Variants in MTMR1 observed in about 807,000 individuals in gnomAD.
MTMR1 encodes the protein phosphatidylinositol-3-phosphate phosphatase MTMR1.
Under a neutral mutation model 51.6 loss-of-function variants are expected in MTMR1, and 17 were observed. That is an observed-to-expected ratio of 0.33 (90% CI 0.23 to 0.49). The LOEUF is 0.49. Among genes scored for constraint, MTMR1 ranks in the 20% least tolerant of loss-of-function variants. MTMR1 has a pLI of 0.99. For missense variants in MTMR1, 386 were observed against 526.9 expected, an observed-to-expected ratio of 0.73 and a Z score of 2.62; for synonymous variants, 201 against 205.6, an observed-to-expected ratio of 0.98 and a Z score of 0.19.
At chrX:150,743,228 A>AC (rs1410509078) in intron 12 of MTMR1, among the ~76,000 whole-genome samples, 1 of 109,968 alleles carries the variant, frequency 9.1e-6, no homozygotes, top group Non-Finnish European at 1.9e-5. Flanking sequence ...GTATAGTGAG[A>AC]CCCCATCTCT....
chrX:150,697,043 T>C (rs1160439493), intron 1 of MTMR1, among the ~76,000 whole-genome samples: 3 of 112,299 alleles, frequency 2.7e-5, no homozygotes, highest in African/African-American at 9.7e-5. Context: ...CAGGTCACAC[T>C]CATGCTCAGC....
At chrX:150,750,120 G>A (rs782763843) in intron 13 of MTMR1, among the ~76,000 whole-genome samples, 3 of 103,226 alleles carry the variant, frequency 2.9e-5, no homozygotes, top group Non-Finnish European at 5.8e-5. Context: ...GAGAGACTCC[G>A]TCTCAAAAAA....
chrX:150,724,423 T>C (rs1603250537), intron 4 of MTMR1, among the ~76,000 whole-genome samples: 2 of 111,564 alleles, frequency 1.8e-5, no homozygotes, highest in African/African-American at 6.5e-5. Flanking sequence ...CTTTGCCCAC[T>C]TTTTAATGGG....
intron 1 of MTMR1, among the ~76,000 whole-genome samples, chrX:150,698,715 CACACACACACAA>C (rs1477566111): frequency 1.9e-5 from 2 of 107,363 alleles, no homozygotes; most frequent in African/African-American, 6.8e-5. Flanking sequence ...CACACACACA[CACACACACACAA>C]AAGCCGGGCC....
intron 12 of MTMR1, 95 bp downstream of exon 12, chrX:150,737,543 C>T: frequency 1.4e-6 from 1 of 697,996 alleles, no homozygotes; most frequent in Non-Finnish European, 2.2e-6. Context: ...TATATACACA[C>T]ACACGTGCAG....
chrX:150,753,703 ATTC>A (rs2042821077), intron 14 of MTMR1, among the ~76,000 whole-genome samples: 1 of 112,103 alleles, frequency 8.9e-6, no homozygotes, highest in Non-Finnish European at 1.9e-5. Flanking sequence ...TTCCTTATAC[ATTC>A]TTTATATATT....
chrX:150,710,101 T>C (rs1557416171), intron 2 of MTMR1, among the ~76,000 whole-genome samples: 2 of 111,848 alleles, frequency 1.8e-5, no homozygotes, highest in Non-Finnish European at 3.8e-5. Flanking sequence ...TCAAAAAACC[T>C]GAAGGGAGTT....
intron 15 of MTMR1, among the ~76,000 whole-genome samples, chrX:150,760,751 T>C (rs2043088929): frequency 9.1e-6 from 1 of 110,285 alleles, no homozygotes; most frequent in African/African-American, 3.3e-5. Flanking sequence ...TAGTGAAACC[T>C]CATCTCTATT....
Position 150,744,389 on chromosome X carries a change from C to T in MTMR1, c.1502C>T (p.Ala501Val), listed in dbSNP as rs1455832865. 1 of 1,210,510 alleles carries T rather than the reference C, an allele frequency of 8.3e-7. No homozygotes were observed. The highest frequency in any genetic ancestry group is 3.0e-5 in the East Asian group (1 of 33,809). Residue 501 changes from alanine to valine, a missense_variant, in exon 13 of 16, where the codon GCG becomes GTG. Ala to Val is a moderately conservative substitution (Grantham distance 64). Transcript: ENST00000445323. Reference sequence around the variant, plus strand: ...GTGGGCCATGGTAATGACAACCATGCGGATGCTGACCGATCTCCCATATTT... The same window carrying T: ...GTGGGCCATGGTAATGACAACCATGTGGATGCTGACCGATCTCCCATATTT... ...LRVGHGNDNH[A>V]DADRSPIFLQ... is the part of the protein sequence containing the mutation.
In MTMR1 at chrX:150,705,001, G is replaced by GAA. The variant is rs36053949; in HGVS notation, c.252+5710_252+5711dup. Among the ~76,000 whole-genome samples, 25 of 104,466 alleles carry GAA rather than the reference G, an allele frequency of 2.4e-4. No individual in the cohort carries two copies. The South Asian group carries it at 5.5e-3, about 23-fold the overall frequency. 90.7% of individuals were successfully genotyped at this position (104,466 alleles called of 115,157 possible). On this transcript the variant is annotated intron_variant, in intron 2 of 15. Transcript: ENST00000445323. The stretch of plus-strand genomic sequence containing the variant: ...TGCAGGTATGCTTGAAACAAACAAT[G>GAA]AAAAAAAAAATAGAGAAGTTTCCAC...
chrX:150,733,729 G>A (rs1557417073), intron 10 of MTMR1, among the ~76,000 whole-genome samples: 1 of 111,016 alleles, frequency 9.0e-6, no homozygotes, highest in Non-Finnish European at 1.9e-5. Flanking sequence ...CTCATGTCAT[G>A]GGTTGTGTGA....
At chrX:150,723,890 A>G (rs1487561164) in intron 4 of MTMR1, among the ~76,000 whole-genome samples, 3 of 111,806 alleles carry the variant, frequency 2.7e-5, no homozygotes, top group African/African-American at 9.8e-5. Context: ...AGCTCTATCC[A>G]TGTTCCTGCA....
intron 12 of MTMR1, among the ~76,000 whole-genome samples, chrX:150,739,911 C>T (rs782483058): frequency 2.7e-3 from 303 of 111,853 alleles, no homozygotes; most frequent in African/African-American, 9.2e-3. Context: ...TGCAACCACC[C>T]ACCCTCTGGA....
chrX:150,715,438 G>A (rs1175346174), intron 3 of MTMR1, among the ~76,000 whole-genome samples: 1 of 112,251 alleles, frequency 8.9e-6, no homozygotes, highest in African/African-American at 3.2e-5. Flanking sequence ...GCACCAAGAG[G>A]AATGGGTGTG....
intron 14 of MTMR1, among the ~76,000 whole-genome samples, chrX:150,754,506 A>C (rs1557417689): frequency 8.9e-6 from 1 of 112,282 alleles, no homozygotes; most frequent in Non-Finnish European, 1.9e-5. Flanking sequence ...CTGCCTCACC[A>C]TGCCTGCACA....
chrX:150,758,352 T>G (rs1455396225), intron 15 of MTMR1, among the ~76,000 whole-genome samples: 1 of 111,599 alleles, frequency 9.0e-6, no homozygotes, highest in Non-Finnish European at 1.9e-5. Context: ...TCCACCTTCC[T>G]CCAGAGAGGC....
chrX:150,720,940 A>G (rs781787030), intron 4 of MTMR1, among the ~76,000 whole-genome samples: 49 of 111,725 alleles, frequency 4.4e-4, no homozygotes, highest in African/African-American at 1.6e-3. Flanking sequence ...GGTTTTTACT[A>G]TAGGTGCCCT....
chrX:150,732,494 A>T, intron 9 of MTMR1, 48 bp from the exon 10 acceptor site: 3 of 1,084,112 alleles, frequency 2.8e-6, no homozygotes, highest in Non-Finnish European at 3.7e-6. Flanking sequence ...TAATTAGAGC[A>T]TACATTCTTT....
intron 15 of MTMR1, among the ~76,000 whole-genome samples, chrX:150,761,201 G>C (rs2043116914): frequency 9.0e-6 from 1 of 111,558 alleles, no homozygotes. Flanking sequence ...AAGGGTAAGA[G>C]AGGAGCTGGT....
Sources: allele counts gnomAD v4.1 joint callset (sites outside exome capture counted in the v4.1 genomes callset), GRCh38; gene constraint gnomAD v4.1.1; transcripts MANE v1.5; gene names NCBI Gene and HGNC (gene_info 2026-07-23, HGNC 2026-07-21).